The following PDE4B variants were observed in gnomAD, a reference collection of about 807,000 sequenced individuals.
PDE4B encodes the protein 3',5'-cyclic-AMP phosphodiesterase 4B.
A neutral mutation model predicts 82.2 loss-of-function variants in PDE4B; 20 were observed. The observed-to-expected ratio is 0.24, with a 90% CI of 0.17 to 0.35. The LOEUF is 0.35. PDE4B is among the 10% of genes least tolerant of loss of function. The probability of loss-of-function intolerance (pLI) is 1.00; values close to 1 mark genes in which losing one functional copy is unlikely to be tolerated. For synonymous variants in PDE4B, 320 were observed against 318.9 expected, an observed-to-expected ratio of 1.00 and a Z score of -0.04; for missense variants, 655 against 907.2, an observed-to-expected ratio of 0.72 and a Z score of 3.57.
intron 3 of PDE4B, chr1:65,992,841 A>G: frequency 6.4e-7 from 1 of 1,566,204 alleles, no homozygotes; most frequent in South Asian, 1.2e-5. Context: ...TCTGACCTGC[A>G]GCAGTGTCTC....
chr1:66,288,168 T>G (rs1217400586), intron 7 of PDE4B, among the ~76,000 whole-genome samples: 1 of 151,738 alleles, frequency 6.6e-6, no homozygotes. Context: ...TGGCAGAAGG[T>G]GAAGGGGAAG....
At chr1:66,144,865 G>A (rs1012605188) in intron 3 of PDE4B, among the ~76,000 whole-genome samples, 1 of 152,168 alleles carries the variant, frequency 6.6e-6, no homozygotes, top group African/African-American at 2.4e-5. Context: ...ATTCTCTTGG[G>A]AGACACATAC....
intron 3 of PDE4B, among the ~76,000 whole-genome samples, chr1:66,126,357 C>G (rs534608250): frequency 6.6e-6 from 1 of 152,238 alleles, no homozygotes; most frequent in Non-Finnish European, 1.5e-5. Context: ...ATATGAAATA[C>G]AAATAAATTA....
chr1:66,163,643 T>C (rs1173654519), intron 3 of PDE4B, among the ~76,000 whole-genome samples: 1 of 152,248 alleles, frequency 6.6e-6, no homozygotes, highest in African/African-American at 2.4e-5. Context: ...TTTATTATAA[T>C]ATACCTTAAC....
At chr1:66,019,415 A>G (rs2503210) in intron 3 of PDE4B, among the ~76,000 whole-genome samples, 145,516 of 148,336 alleles carry the variant, frequency 0.98, 71,424 homozygotes, top group Middle Eastern at 1. Context: ...GAGTGCAGTG[A>G]TGTGATCTTG....
chr1:66,008,092 G>A (rs1238402389), intron 3 of PDE4B, among the ~76,000 whole-genome samples: 3 of 152,112 alleles, frequency 2.0e-5, no homozygotes, highest in Non-Finnish European at 4.4e-5. Context: ...CTCCCAGGAA[G>A]GCTTGTAAAA....
chr1:66,209,773 T>C (rs1054137392), intron 3 of PDE4B, among the ~76,000 whole-genome samples: 8 of 152,208 alleles, frequency 5.3e-5, no homozygotes, highest in Non-Finnish European at 1.0e-4. Flanking sequence ...AAAGGAATAG[T>C]ACAGTATATA....
In PDE4B at chr1:66,372,832, A is replaced by G; in HGVS notation, c.*154A>G. The G allele has an allele frequency of 1.5e-6, 1 of 687,800 alleles. No individual in the cohort carries two copies. Among genetic ancestry groups the G allele is most frequent in the Non-Finnish European group, 2.4e-6 (1 of 419,546 alleles). 42.6% of individuals were successfully genotyped at this position (687,800 alleles called of 1,614,324 possible). A position where few individuals can be genotyped will look rare whatever the true frequency, so the allele number is the denominator to read the frequency against. ...TTTGGAGTCAGAAAGCAAGACCAGGAAGCAAATAGCAGCTCAGGAAATCCC... is the reference window on the plus strand; with the variant it reads ...TTTGGAGTCAGAAAGCAAGACCAGGGAGCAAATAGCAGCTCAGGAAATCCC... On this transcript the variant is annotated 3_prime_UTR_variant, in exon 17 of 17. Coordinates refer to ENST00000341517, the MANE Select transcript of PDE4B (RefSeq NM_002600.4).
chr1:65,964,222 G>A (rs1443406596), intron 3 of PDE4B, among the ~76,000 whole-genome samples: 1 of 152,084 alleles, frequency 6.6e-6, no homozygotes, highest in Admixed American at 6.6e-5. Flanking sequence ...AGAATTCTAT[G>A]CTTGTACTAA....
At chr1:66,084,928 A>G (rs1656929072) in intron 3 of PDE4B, among the ~76,000 whole-genome samples, 1 of 152,166 alleles carries the variant, frequency 6.6e-6, no homozygotes, top group Non-Finnish European at 1.5e-5. Context: ...GTGAACAGCC[A>G]GTCACATGCA....
chr1:66,188,190 G>T (rs918215428), intron 3 of PDE4B, among the ~76,000 whole-genome samples: 2 of 151,986 alleles, frequency 1.3e-5, no homozygotes, highest in African/African-American at 4.8e-5. Flanking sequence ...TTGCACTGTG[G>T]TCTGAGAGAC....
intron 4 of PDE4B, among the ~76,000 whole-genome samples, chr1:66,248,987 C>A (rs1173698151): frequency 2.0e-5 from 3 of 152,166 alleles, no homozygotes; most frequent in African/African-American, 7.2e-5. Flanking sequence ...CATGCTGTGT[C>A]CCATGATGTG....
chr1:65,887,204 T>TTC (rs2100367104), intron 1 of PDE4B, among the ~76,000 whole-genome samples: 2 of 14,668 alleles, frequency 1.4e-4, no homozygotes, highest in South Asian at 4.5e-3. Context: ...CTTTCTTTCT[T>TTC]TCTTTCTTTC....
intron 7 of PDE4B, among the ~76,000 whole-genome samples, chr1:66,312,780 C>T (rs1658759827): frequency 6.6e-6 from 1 of 152,292 alleles, no homozygotes; most frequent in East Asian, 1.9e-4. Context: ...TACTGGAACA[C>T]AGCCATTTGT....
intron 1 of PDE4B, among the ~76,000 whole-genome samples, chr1:65,902,670 CTA>C (rs577797780): frequency 4.4e-4 from 67 of 152,262 alleles, no homozygotes; most frequent in African/African-American, 1.6e-3. Context: ...ACTGTTTCAT[CTA>C]TGATTCCTCA....
chr1:66,132,589 A>T (rs1645972284), intron 3 of PDE4B, among the ~76,000 whole-genome samples: 1 of 152,198 alleles, frequency 6.6e-6, no homozygotes, highest in African/African-American at 2.4e-5. Context: ...TCTTAAAGAG[A>T]CAAATAATTG....
intron 7 of PDE4B, among the ~76,000 whole-genome samples, chr1:66,320,523 A>G (rs1258154353): frequency 1.3e-5 from 2 of 152,216 alleles, no homozygotes; most frequent in Non-Finnish European, 2.9e-5. Flanking sequence ...CAAAAAAAGA[A>G]CAAAGGACAA....
At chr1:66,361,354 T>G (rs900440114) in intron 9 of PDE4B, among the ~76,000 whole-genome samples, 2 of 152,196 alleles carry the variant, frequency 1.3e-5, no homozygotes, top group African/African-American at 4.8e-5. Flanking sequence ...TTTTTGCTGC[T>G]TTCTGGACAA....
intron 3 of PDE4B, among the ~76,000 whole-genome samples, chr1:66,084,693 T>A (rs1656915873): frequency 6.6e-6 from 1 of 152,128 alleles, no homozygotes; most frequent in Non-Finnish European, 1.5e-5. Flanking sequence ...GAGGATCAGA[T>A]ATGGTAGGTC....
Sources: allele counts gnomAD v4.1 joint callset (sites outside exome capture counted in the v4.1 genomes callset), GRCh38; gene constraint gnomAD v4.1.1; transcripts MANE v1.5; gene names NCBI Gene and HGNC (gene_info 2026-07-23, HGNC 2026-07-21).